Variants in CPA6 observed in about 807,000 individuals in gnomAD.
CPA6 encodes carboxypeptidase A6.
CPA6 carries 58 observed loss-of-function variants against 63.3 expected under a neutral mutation model. The observed-to-expected ratio is 0.92, with a 90% CI of 0.74 to 1.14. The LOEUF (loss-of-function observed/expected upper bound fraction) is 1.14. CPA6 is among the 50% of genes most tolerant of loss of function. CPA6 has a pLI of 0.00. For missense variants in CPA6, 565 were observed against 526.6 expected (o/e 1.07, Z -0.71); for synonymous variants, 185 against 179.0 (o/e 1.03, Z -0.27).
intron 1 of CPA6, among the ~76,000 whole-genome samples, chr8:67,708,545 C>G (rs1018613832): frequency 6.6e-6 from 1 of 152,146 alleles, no homozygotes; most frequent in South Asian, 2.1e-4. Context: ...GTAAGGGATA[C>G]CATCCTCTCA....
At chr8:67,620,053 G>C (rs764608) in intron 2 of CPA6, among the ~76,000 whole-genome samples, 9,493 of 152,266 alleles carry the variant, frequency 0.062, 707 homozygotes, top group African/African-American at 0.18. Context: ...GAATCCACTT[G>C]CTTGTGTTTG....
At chr8:67,461,104 C>T (rs1441196233) in intron 8 of CPA6, among the ~76,000 whole-genome samples, 2 of 138,610 alleles carry the variant, frequency 1.4e-5, no homozygotes, top group African/African-American at 2.8e-5. Flanking sequence ...GGGTGTTTCT[C>T]GCAGAGGGGG....
intron 2 of CPA6, among the ~76,000 whole-genome samples, chr8:67,560,578 C>T (rs1242993782): frequency 6.6e-6 from 1 of 152,122 alleles, no homozygotes; most frequent in Non-Finnish European, 1.5e-5. Flanking sequence ...GCTGTAGAAT[C>T]ACTGCTCATT....
intron 1 of CPA6, among the ~76,000 whole-genome samples, chr8:67,703,934 T>G (rs1563400223): frequency 6.6e-6 from 1 of 151,462 alleles, no homozygotes; most frequent in African/African-American, 2.4e-5. Flanking sequence ...GCTTTTTTTT[T>G]GTTGTTGTTG....
chr8:67,485,436 C>T (rs1350732160), intron 6 of CPA6, among the ~76,000 whole-genome samples: 5 of 152,044 alleles, frequency 3.3e-5, no homozygotes, highest in Non-Finnish European at 5.9e-5. Context: ...ATATATGTAG[C>T]ATGAGAACAA....
Position 67,624,175 on chromosome 8 carries a change from C to G in CPA6, c.192+1G>C. 1 of 1,531,176 alleles carries G rather than the reference C, an allele frequency of 6.5e-7. No homozygotes were observed. Among genetic ancestry groups the G allele is most frequent in the South Asian group, 1.1e-5 (1 of 87,984 alleles). 94.8% of individuals were successfully genotyped at this position (1,531,176 alleles called of 1,614,324 possible). On this transcript the variant is annotated splice_donor_variant, in intron 2 of 10. Transcript: ENST00000297770. LOFTEE classifies it high-confidence loss of function. Reference sequence around the variant, plus strand: ...CCATAAGTGTGTAGATGTTCTATTACCTTAAGTTGATAGGATATTTTCTTC... The same window carrying G: ...CCATAAGTGTGTAGATGTTCTATTAGCTTAAGTTGATAGGATATTTTCTTC...
chr8:67,705,079 G>C (rs1817105144), intron 1 of CPA6, among the ~76,000 whole-genome samples: 1 of 152,144 alleles, frequency 6.6e-6, no homozygotes, highest in Non-Finnish European at 1.5e-5. Context: ...GCCCCTCCAG[G>C]TTGCCCCAGA....
chr8:67,510,597 A>G (rs1467160393), intron 4 of CPA6, among the ~76,000 whole-genome samples: 1 of 152,194 alleles, frequency 6.6e-6, no homozygotes, highest in Non-Finnish European at 1.5e-5. Context: ...TAATTTTGAA[A>G]GGAGAGTTGT....
intron 1 of CPA6, among the ~76,000 whole-genome samples, chr8:67,700,103 C>T (rs1816993727): frequency 6.6e-6 from 1 of 152,138 alleles, no homozygotes; most frequent in Admixed American, 6.5e-5. Context: ...TTTTTTTAAA[C>T]ATACTTCTCT....
chr8:67,701,767 G>A (rs1236179438), intron 1 of CPA6, among the ~76,000 whole-genome samples: 1 of 152,146 alleles, frequency 6.6e-6, no homozygotes, highest in African/African-American at 2.4e-5. Flanking sequence ...ACCTCAGGGT[G>A]GCAAACAAGA....
At chr8:67,741,850 A>C (rs933629561) in intron 1 of CPA6, among the ~76,000 whole-genome samples, 1 of 151,954 alleles carries the variant, frequency 6.6e-6, no homozygotes, top group African/African-American at 2.4e-5. Flanking sequence ...TGCACAATAA[A>C]TGTAATGCAC....
intron 6 of CPA6, among the ~76,000 whole-genome samples, chr8:67,485,746 C>T (rs763730500): frequency 3.9e-5 from 6 of 152,260 alleles, no homozygotes; most frequent in Non-Finnish European, 7.4e-5. Flanking sequence ...CATGGATTTA[C>T]ATGTTTTTAA....
intron 1 of CPA6, among the ~76,000 whole-genome samples, chr8:67,655,138 TG>T (rs1220273561): frequency 6.6e-6 from 1 of 152,200 alleles, no homozygotes; most frequent in Non-Finnish European, 1.5e-5. Flanking sequence ...TGAATGCATC[TG>T]GGGTTTCTTT....
Position 67,589,227 on chromosome 8 carries a change from T to C in CPA6, c.192+34949A>G, listed in dbSNP as rs566214727. Among the ~76,000 whole-genome samples, 13 of 152,334 alleles carry C rather than the reference T, an allele frequency of 8.5e-5. No homozygotes were observed. The South Asian group carries it at 2.7e-3, about 32-fold the overall frequency. On this transcript the variant is annotated intron_variant, in intron 2 of 10. Transcript: ENST00000297770. ...TTTATAATATTGGGCTATTTCAAAT[T>C]TTCTGTAAATCAATTTATTTCTTAA...
intron 2 of CPA6, among the ~76,000 whole-genome samples, chr8:67,604,924 C>T (rs1814590704): frequency 6.6e-6 from 1 of 152,044 alleles, no homozygotes; most frequent in Non-Finnish European, 1.5e-5. Flanking sequence ...ACTACAGGCA[C>T]CTGTCACCAT....
At chr8:67,435,525 G>C (rs1214858457) in intron 8 of CPA6, among the ~76,000 whole-genome samples, 2 of 152,150 alleles carry the variant, frequency 1.3e-5, no homozygotes, top group African/African-American at 4.8e-5. Flanking sequence ...GGAGGCTCCG[G>C]CCTTCCTTGG....
intron 2 of CPA6, among the ~76,000 whole-genome samples, chr8:67,538,728 C>T (rs771645870): frequency 1.9e-4 from 28 of 151,108 alleles, no homozygotes; most frequent in Non-Finnish European, 3.2e-4. Flanking sequence ...GGTGTGATCT[C>T]GGCTCACTGC....
At chr8:67,475,814 TTTCCTTTCTTTTCTTTCTTTCTTTC>T (rs1811179078) in intron 8 of CPA6, among the ~76,000 whole-genome samples, 4 of 59,936 alleles carry the variant, frequency 6.7e-5, no homozygotes, top group African/African-American at 4.1e-4. Flanking sequence ...TCTTTCTTTC[TTTCCTTTCTTTTCTTTCTTTCTTTC>T]TTTCTTTCTT....
At chr8:67,556,757 GT>G (rs773703555) in intron 2 of CPA6, among the ~76,000 whole-genome samples, 1 of 152,264 alleles carries the variant, frequency 6.6e-6, no homozygotes, top group Non-Finnish European at 1.5e-5. Flanking sequence ...GGGACTATTT[GT>G]GAATGTCAAG....
Sources: allele counts gnomAD v4.1 joint callset (sites outside exome capture counted in the v4.1 genomes callset), GRCh38; gene constraint gnomAD v4.1.1; transcripts MANE v1.5; gene names NCBI Gene and HGNC (gene_info 2026-07-23, HGNC 2026-07-21).